USF3: variants seen among roughly 807,000 people sequenced by gnomAD.
USF3 encodes the protein basic helix-loop-helix domain-containing protein USF3.
A neutral mutation model predicts 157.5 loss-of-function variants in USF3; 29 were observed. The ratio of observed to expected loss-of-function variants is 0.18; its 90% CI spans 0.14 to 0.25. The LOEUF is 0.25. Among genes scored for constraint, USF3 ranks in the 10% least tolerant of loss-of-function variants. The pLI is 1.00. For synonymous variants in USF3, 893 were observed against 941.4 expected (o/e 0.95, Z 0.94); for missense variants, 2,381 against 2,667.6 (o/e 0.89, Z 2.37).
At position 113,676,580 on chromosome 3, in the gene USF3, G is replaced by A. The variant is rs552573339; in HGVS notation, c.-19+702C>T. ...ACTTGGGCCCCTCCCATGACACATG[G>A]GATTATGGGAACCATAATTCAAGAT... On this transcript the variant is annotated intron_variant, in intron 2 of 6. Transcript: ENST00000316407. 1.1e-4 allele frequency among the ~76,000 whole-genome samples: 17 copies of A among 152,182 alleles called. 1 individual carries two copies. The South Asian group carries it at 2.5e-3, about 22-fold the overall frequency.
intron 2 of USF3, among the ~76,000 whole-genome samples, chr3:113,675,148 G>C (rs886656592): frequency 5.3e-5 from 8 of 152,122 alleles, no homozygotes; most frequent in Non-Finnish European, 8.8e-5. Context: ...AATTTGAGTA[G>C]AAAAAGATCA....
In USF3 at chr3:113,659,018, C is replaced by A; in HGVS notation, c.2664G>T (p.Lys888Asn). 6.2e-7 allele frequency: 1 copy of A among 1,614,142 alleles called. No individual in the cohort carries two copies. Among genetic ancestry groups the A allele is most frequent in the South Asian group, 1.1e-5 (1 of 91,086 alleles). ...ESVSKSKSAE[K>N]SSPPSQESVT... ...CAGATTCTTGGGAGGGTGGGCTGGACTTTTCTGCTGACTTAGATTTCGATA... is the reference window on the plus strand; with the variant it reads ...CAGATTCTTGGGAGGGTGGGCTGGAATTTTCTGCTGACTTAGATTTCGATA... The change falls in exon 7 of 7, where the codon AAG (lysine) becomes AAT (asparagine). Residue 888 changes from lysine to asparagine, a missense_variant. This residue lies in a region of USF3 where 1,435 missense variants were observed against 1,550.9 expected (regional missense o/e 0.93). Transcript: ENST00000316407.
At chr3:113,695,406 T>C (rs1293454148) in intron 1 of USF3, among the ~76,000 whole-genome samples, 1 of 152,252 alleles carries the variant, frequency 6.6e-6, no homozygotes, top group African/African-American at 2.4e-5. Flanking sequence ...TGTTTGGTTT[T>C]CTTTACAAAA....
At position 113,656,765 on chromosome 3, in the gene USF3, T is replaced by G; in HGVS notation, c.4917A>C (p.Gln1639His). The change falls in exon 7 of 7, where the codon CAA (glutamine) becomes CAC (histidine). Residue 1639 changes from glutamine (Q) to histidine (H), a missense_variant. This residue lies in a region of USF3 where 770 missense variants were observed against 824.2 expected (regional missense o/e 0.93). Transcript: ENST00000316407. ...TCACAATACTTGGTTGGGACACCAT[T>G]TGCTGCTCTAAGCCTCTTGATGTCA... Reference protein sequence around the residue: ...RLLTSRGLEQQMVSQPSIVTR... With the variant: ...RLLTSRGLEQHMVSQPSIVTR... 6.2e-7 allele frequency: 1 copy of G among 1,614,194 alleles called. No individual in the cohort carries two copies. The highest frequency in any genetic ancestry group is 8.5e-7 in the Non-Finnish European group (1 of 1,180,028).
rs928106021 is a variant in USF3, at chr3:113,649,241, T to C, written c.*5703A>G. 6.6e-6 allele frequency: 1 copy of C among 152,316 alleles called. No individual in the cohort carries two copies. 9.4% of individuals were successfully genotyped at this position (152,316 alleles called of 1,614,324 possible). The stretch of plus-strand genomic sequence containing the variant: ...TTAAAGATCATCTTTTCTAAAAATG[T>C]GTTAAATTACAAATAAACAGTTATC... On this transcript the variant is annotated 3_prime_UTR_variant, in exon 7 of 7. Coordinates refer to ENST00000316407, the MANE Select transcript of USF3 (RefSeq NM_001009899.4).
chr3:113,682,263 T>C (rs1707450334), intron 1 of USF3, among the ~76,000 whole-genome samples: 1 of 151,950 alleles, frequency 6.6e-6, no homozygotes, highest in African/African-American at 2.4e-5. Flanking sequence ...AAGTTGAGGC[T>C]GCAGTGAGCC....
In USF3 at chr3:113,659,040, G is replaced by C. The variant is rs760900951; in HGVS notation, c.2642C>G (p.Ser881Trp). ...SSESLIPESVSKSKSAEKSSP... is the reference protein window; with the variant it reads ...SSESLIPESVWKSKSAEKSSP... ...GGACTTTTCTGCTGACTTAGATTTCGATACAGACTCAGGTATTAATGATTC... is the reference window on the plus strand; with the variant it reads ...GGACTTTTCTGCTGACTTAGATTTCCATACAGACTCAGGTATTAATGATTC... The change falls in exon 7 of 7, where the codon TCG becomes TGG. Residue 881 changes from serine to tryptophan, a missense_variant. Physicochemically the swap from Ser to Trp is radical, Grantham distance 177 (BLOSUM62 -3). Transcript: ENST00000316407. The C allele has an allele frequency of 1.9e-6, 3 of 1,614,100 alleles. No individual in the cohort carries two copies. Among genetic ancestry groups the C allele is most frequent in the East Asian group, 2.2e-5 (1 of 44,882 alleles).
rs201239882 is a variant in USF3, at chr3:113,661,256, C to G, written c.426G>C (p.Gln142His). ...AATAAACAATAATTTTTTTTTGAAC[C>G]TGGTCACTAGGAATAACAACAGAGA... ...SKVSVVIPSD[Q>H]VQKKIIVYSN... The change falls in exon 7 of 7, where the codon CAG becomes CAC. Residue 142 changes from glutamine to histidine, a missense_variant. Around this residue, in one of 6 missense-constraint regions of USF3, gnomAD observed 1,435 missense variants for 1,550.9 expected, o/e 0.93. Coordinates refer to ENST00000316407, the MANE Select transcript of USF3 (RefSeq NM_001009899.4). 6.2e-7 allele frequency: 1 copy of G among 1,613,752 alleles called. No individual in the cohort carries two copies. The highest frequency in any genetic ancestry group is 1.7e-4 in the Middle Eastern group (1 of 6,056).
chr3:113,656,827 C>T lies in USF3; in HGVS notation c.4855G>A (p.Glu1619Lys). ...SRQQGSGVSS[E>K]HVSGHNPMQR... ...ATTGGATTATGGCCAGATACATGTT[C>T]AGATGAAACCCCTGAACCTTGCTGT... The change falls in exon 7 of 7, where the codon GAA (glutamate) becomes AAA (lysine). Residue 1619 changes from glutamate (E) to lysine (K), a missense_variant. Glu to Lys is a moderately conservative substitution (Grantham distance 56). This residue lies in a region of USF3 where 770 missense variants were observed against 824.2 expected (regional missense o/e 0.93). Coordinates refer to ENST00000316407, the MANE Select transcript of USF3 (RefSeq NM_001009899.4). 1 of 1,614,192 alleles carries T rather than the reference C, an allele frequency of 6.2e-7. No homozygotes were observed. Among genetic ancestry groups the T allele is most frequent in the South Asian group, 1.1e-5 (1 of 91,074 alleles).
intron 1 of USF3, among the ~76,000 whole-genome samples, chr3:113,678,233 C>T (rs956375956): frequency 3.3e-5 from 5 of 152,032 alleles, no homozygotes; most frequent in African/African-American, 9.7e-5. Context: ...TGACCAATAC[C>T]CTAGTTCCAG....
At position 113,661,176 on chromosome 3, in the gene USF3, G is replaced by A; in HGVS notation, c.506C>T (p.Thr169Ile). Residue 169 changes from threonine (T) to isoleucine (I), a missense_variant, in exon 7 of 7, where the codon ACT becomes ATT. Coordinates refer to ENST00000316407, the MANE Select transcript of USF3 (RefSeq NM_001009899.4). Reference protein sequence around the residue: ...NSQGTAVQGITFNVSHNLQKQ... With the variant: ...NSQGTAVQGIIFNVSHNLQKQ... ...TTGTAAATTATGACTAACATTAAAA[G>A]TTATCCCCTGAACAGCTGTTCCCTG... The A allele has an allele frequency of 6.2e-7, 1 of 1,614,166 alleles. No individual in the cohort carries two copies. The highest frequency in any genetic ancestry group is 1.1e-5 in the South Asian group (1 of 91,082).
intron 1 of USF3, among the ~76,000 whole-genome samples, chr3:113,684,772 T>C (rs1185047923): frequency 1.3e-5 from 2 of 152,190 alleles, no homozygotes; most frequent in Non-Finnish European, 2.9e-5. Context: ...TGGATTTTGT[T>C]AAGCTTCCTC....
Position 113,657,081 on chromosome 3 carries a change from G to A in USF3, c.4601C>T (p.Ser1534Phe). The change falls in exon 7 of 7, where the codon TCT becomes TTT. Residue 1534 changes from serine (S) to phenylalanine (F), a missense_variant. Transcript: ENST00000316407. ...KRNLVQGTQTSQLSLQPKHHG... is the reference protein window; with the variant it reads ...KRNLVQGTQTFQLSLQPKHHG... ...GTGCTTTGGTTGTAAGGAAAGCTGA[G>A]AGGTCTGGGTGCCCTGAACAAGATT... 1 of 1,614,142 alleles carries A rather than the reference G, an allele frequency of 6.2e-7. No homozygotes were observed. The highest frequency in any genetic ancestry group is 8.5e-7 in the Non-Finnish European group (1 of 1,180,018).
rs749149858 is a variant in USF3, at chr3:113,657,992, A to G, written c.3690T>C (p.Thr1230=). The G allele has an allele frequency of 8.7e-6, 14 of 1,614,072 alleles. No individual in the cohort carries two copies. Among genetic ancestry groups the G allele is most frequent in the African/African-American group, 2.7e-5 (2 of 74,916 alleles). ...KTSNASLQDS[T]SQPPSITSLS... ...AACTGGTGATGCTTGGTGGCTGAGA[A>G]GTTGAATCCTGTAAAGATGCATTTG... is the stretch of plus-strand genomic sequence containing the variant. Residue 1230 remains threonine, a synonymous_variant, in exon 7 of 7, where the codon ACT becomes ACC. Transcript: ENST00000316407.
intron 6 of USF3, among the ~76,000 whole-genome samples, chr3:113,663,910 T>C (rs1269993279): frequency 1.3e-5 from 2 of 152,234 alleles, no homozygotes; most frequent in African/African-American, 4.8e-5. Context: ...TGCTAATGCA[T>C]AGTTAAATCG....
At chr3:113,674,360 T>C (rs193008075) in intron 3 of USF3, among the ~76,000 whole-genome samples, 6 of 152,288 alleles carry the variant, frequency 3.9e-5, no homozygotes, top group Non-Finnish European at 1.5e-5. Context: ...CTTTTTTTTT[T>C]CTTTGAGATG....
intron 1 of USF3, among the ~76,000 whole-genome samples, chr3:113,682,595 T>TTGTATTGTATTA (rs1559722802): frequency 6.6e-6 from 1 of 152,216 alleles, no homozygotes; most frequent in Non-Finnish European, 1.5e-5. Flanking sequence ...TTGGGGTCTA[T>TTGTATTGTATTA]CTCTCTTTGA....
intron 1 of USF3, 101 bp from the exon 2 acceptor site, chr3:113,677,498 A>T (rs1334785093): frequency 6.6e-6 from 1 of 152,246 alleles, no homozygotes; most frequent in East Asian, 1.9e-4. Context: ...GCAGATTTTT[A>T]GTGCCACGAA....
At chr3:113,676,805 G>C (rs906086419) in intron 2 of USF3, among the ~76,000 whole-genome samples, 2 of 152,152 alleles carry the variant, frequency 1.3e-5, no homozygotes, top group Non-Finnish European at 2.9e-5. Context: ...CCACTTCCTA[G>C]CTGTCAGGTC....
Sources: gnomAD v4.1 joint callset for allele counts (sites outside exome capture counted in the v4.1 genomes callset) on GRCh38, gnomAD v4.1.1 for gene constraint, gnomAD v4.1.1 regional missense constraint, MANE v1.5 for transcripts, NCBI Gene and HGNC (gene_info 2026-07-23, HGNC 2026-07-21) for gene names.